Variants in NOL4L observed in about 807,000 individuals in gnomAD.
The protein encoded by NOL4L is nucleolar protein 4-like.
A neutral mutation model predicts 64.5 loss-of-function variants in NOL4L; 7 were observed. The observed-to-expected ratio is 0.11, with a 90% CI of 0.06 to 0.20. The LOEUF is 0.20. Ranked by LOEUF, NOL4L falls within the 10% of genes least tolerant of loss-of-function variation. The probability of loss-of-function intolerance (pLI) is 1.00; values close to 1 mark genes in which losing one functional copy is unlikely to be tolerated. For synonymous variants in NOL4L, 413 were observed against 401.0 expected (o/e 1.03, Z -0.36); for missense variants, 680 against 967.1 (o/e 0.70, Z 3.94).
intron 4 of NOL4L, among the ~76,000 whole-genome samples, chr20:32,490,269 T>A (rs541296105): frequency 6.6e-6 from 1 of 152,020 alleles, no homozygotes; most frequent in East Asian, 1.9e-4. Context: ...CAAAAATAAT[T>A]GAAACAGTGT....
intron 1 of NOL4L, among the ~76,000 whole-genome samples, chr20:32,577,027 G>A (rs974680291): frequency 2.0e-5 from 3 of 152,228 alleles, no homozygotes; most frequent in African/African-American, 7.2e-5. Context: ...TGGAGCTCCA[G>A]CCCAGCTGTG....
chr20:32,498,145 C>T (rs892872102), intron 4 of NOL4L, among the ~76,000 whole-genome samples: 4 of 152,214 alleles, frequency 2.6e-5, no homozygotes, highest in African/African-American at 4.8e-5. Flanking sequence ...CTGCCAACCC[C>T]ACCAGACACT....
chr20:32,483,213 T>C (rs1600724506), intron 4 of NOL4L: 1 of 278,908 alleles, frequency 3.6e-6, no homozygotes, highest in Non-Finnish European at 5.0e-6. Flanking sequence ...CAAAGGAAGC[T>C]CCCCCTGCGC....
rs1156377985 is a variant in NOL4L at position 32,456,539 on chromosome 20, C to T, written c.842-144G>A. 6.1e-6 allele frequency: 5 copies of T among 814,628 alleles called. No individual in the cohort carries two copies. The Admixed American group carries it at 1.3e-4, about 21-fold the overall frequency. 50.5% of individuals were successfully genotyped at this position (814,628 alleles called of 1,614,324 possible). A position where few individuals can be genotyped will look rare whatever the true frequency, so the allele number is the denominator to read the frequency against. On this transcript the variant is annotated intron_variant, in intron 5 of 10. Coordinates refer to ENST00000621426, the MANE Select transcript of NOL4L (RefSeq NM_001256798.2). ...CTACCCCACCTCAGAGGCAATTTGCCCCAGCCCACAGCCTCAGCTGAGGCA... is the reference window on the plus strand; with the variant it reads ...CTACCCCACCTCAGAGGCAATTTGCTCCAGCCCACAGCCTCAGCTGAGGCA...
intron 5 of NOL4L, among the ~76,000 whole-genome samples, chr20:32,466,300 T>A (rs1169935569): frequency 6.6e-6 from 1 of 152,054 alleles, no homozygotes; most frequent in Non-Finnish European, 1.5e-5. Flanking sequence ...ACCTCTCGGC[T>A]CCTCAGGCCC....
chr20:32,449,384 G>A (rs1568587321), intron 10 of NOL4L, among the ~76,000 whole-genome samples: 1 of 152,210 alleles, frequency 6.6e-6, no homozygotes, highest in Admixed American at 6.5e-5. Context: ...CTCTTGTCAC[G>A]GGAGGTATCC....
intron 4 of NOL4L, among the ~76,000 whole-genome samples, chr20:32,501,986 C>T (rs2016940437): frequency 6.6e-6 from 1 of 152,080 alleles, no homozygotes; most frequent in African/African-American, 2.4e-5. Context: ...ATAATATAAA[C>T]AATGAATAGC....
At chr20:32,562,859 C>T (rs548973318) in intron 1 of NOL4L, among the ~76,000 whole-genome samples, 1 of 143,976 alleles carries the variant, frequency 6.9e-6, no homozygotes, top group East Asian at 2.1e-4. Flanking sequence ...CGCTGTTGCT[C>T]CAGAAGCTAC....
intron 4 of NOL4L, among the ~76,000 whole-genome samples, chr20:32,488,847 C>G (rs1568649065): frequency 1.5e-5 from 1 of 66,194 alleles, no homozygotes; most frequent in Admixed American, 1.7e-4. Flanking sequence ...TTCTTTCTTT[C>G]TTTCTTTCTT....
chr20:32,543,895 G>A (rs779836668), intron 1 of NOL4L, among the ~76,000 whole-genome samples: 33 of 152,160 alleles, frequency 2.2e-4, no homozygotes, highest in Non-Finnish European at 4.1e-4. Flanking sequence ...CTGTGAAAAG[G>A]GTGGTGGACA....
At position 32,559,907 on chromosome 20, in the gene NOL4L, G is replaced by A. The variant is rs943584521; in HGVS notation, c.321+24663C>T. On this transcript the variant is annotated intron_variant, in intron 1 of 10. Coordinates refer to ENST00000621426, the MANE Select transcript of NOL4L (RefSeq NM_001256798.2). The stretch of plus-strand genomic sequence containing the variant: ...GCCGCCCACGCGGCCTCCCTGAGCC[G>A]CCAGCAGGCCAGCAGTGTGGCCTGC... Among the ~76,000 whole-genome samples the A allele has an allele frequency of 4.6e-5, 7 of 152,342 alleles. No individual in the cohort carries two copies. In the South Asian group the frequency reaches 8.3e-4, roughly 18 times the overall value.
intron 5 of NOL4L, among the ~76,000 whole-genome samples, chr20:32,471,874 A>ATG (rs2015047123): frequency 6.6e-6 from 1 of 152,098 alleles, no homozygotes; most frequent in Non-Finnish European, 1.5e-5. Context: ...ACCTTCTGCC[A>ATG]TGTCTGTAAG....
intron 3 of NOL4L, 62 bp from the exon 4 acceptor site, chr20:32,511,518 G>T: frequency 8.3e-7 from 1 of 1,202,340 alleles, no homozygotes; most frequent in Non-Finnish European, 1.2e-6. Context: ...TGCCCACATG[G>T]AGCATTTAAC....
At chr20:32,573,231 G>A (rs1349745687) in intron 1 of NOL4L, among the ~76,000 whole-genome samples, 1 of 151,986 alleles carries the variant, frequency 6.6e-6, no homozygotes, top group East Asian at 1.9e-4. Flanking sequence ...TGCCAGGGCT[G>A]GTCTCAAACT....
intron 1 of NOL4L, among the ~76,000 whole-genome samples, chr20:32,575,348 C>T (rs977209396): frequency 2.0e-5 from 3 of 152,140 alleles, no homozygotes; most frequent in Admixed American, 2.0e-4. Flanking sequence ...AGAAAATTGG[C>T]CCTGGGATCC....
intron 1 of NOL4L, among the ~76,000 whole-genome samples, chr20:32,533,839 AG>A (rs1347705447): frequency 6.6e-6 from 1 of 152,134 alleles, no homozygotes; most frequent in African/African-American, 2.4e-5. Flanking sequence ...CAGACCTAAG[AG>A]GGGGATCGGC....
Position 32,551,714 on chromosome 20 carries a change from G to A in NOL4L, c.322-23801C>T, listed in dbSNP as rs114166736. On this transcript the variant is annotated intron_variant, in intron 1 of 10. Coordinates refer to ENST00000621426, the MANE Select transcript of NOL4L (RefSeq NM_001256798.2). ...GGTATGGGGGGTTTCTGGGGATGAC[G>A]CAAATGTTCTAAAATTGATTGTGGC... Among the ~76,000 whole-genome samples, 451 of 152,142 alleles carry A rather than the reference G, an allele frequency of 3.0e-3. 2 individuals are homozygous for A. Among genetic ancestry groups the A allele is most frequent in the African/African-American group, 0.011 (441 of 41,508 alleles).
chr20:32,583,099 G>T (rs1215330652), intron 1 of NOL4L, among the ~76,000 whole-genome samples: 1 of 152,074 alleles, frequency 6.6e-6, no homozygotes, highest in East Asian at 1.9e-4. Context: ...CCCTGTTCCC[G>T]GTCCGGCCGG....
intron 5 of NOL4L, among the ~76,000 whole-genome samples, chr20:32,468,917 A>G (rs2377573): frequency 5.9e-4 from 65 of 109,794 alleles, no homozygotes; most frequent in Non-Finnish European, 8.3e-4. Context: ...AAAAAAAAAA[A>G]AAAGAAAGAA....
Sources: gnomAD v4.1 joint callset for allele counts (sites outside exome capture counted in the v4.1 genomes callset) on GRCh38, gnomAD v4.1.1 for gene constraint, MANE v1.5 for transcripts, NCBI Gene and HGNC (gene_info 2026-07-23, HGNC 2026-07-21) for gene names.